The following SERPINB13 variants were observed in gnomAD, a reference collection of about 807,000 sequenced individuals.
SERPINB13 encodes serpin B13.
In SERPINB13, 26 loss-of-function variants were observed where a neutral mutation model predicts 31.2. The ratio of observed to expected loss-of-function variants is 0.83; its 90% CI spans 0.61 to 1.15. The LOEUF (loss-of-function observed/expected upper bound fraction) is 1.15. Ranked by LOEUF, SERPINB13 falls within the 50% of genes most tolerant of loss-of-function variation. The pLI is 0.00. For missense variants in SERPINB13, 510 were observed against 469.4 expected (o/e 1.09, Z -0.80); for synonymous variants, 191 against 172.4 (o/e 1.11, Z -0.85).
chr18:63,594,238 G>A (rs1912021851), intron 5 of SERPINB13, 117 bp from the exon 6 acceptor site: 1 of 1,556,174 alleles, frequency 6.4e-7, no homozygotes, highest in Non-Finnish European at 8.7e-7. Flanking sequence ...AAGGCCCTCA[G>A]GTGCTGACCT....
intron 1 of SERPINB13, among the ~76,000 whole-genome samples, chr18:63,588,248 T>C (rs1041243628): frequency 1.3e-5 from 2 of 152,208 alleles, no homozygotes; most frequent in African/African-American, 4.8e-5. Context: ...CCTACCCCCC[T>C]GCCTTATCAT....
chr18:63,590,612 CT>C (rs1911797094), intron 3 of SERPINB13, among the ~76,000 whole-genome samples: 1 of 152,204 alleles, frequency 6.6e-6, no homozygotes, highest in South Asian at 2.1e-4. Flanking sequence ...AGAGCACATT[CT>C]TTCTCAGCCA....
chr18:63,595,646 TC>T (rs1912120078), intron 7 of SERPINB13, among the ~76,000 whole-genome samples: 1 of 152,186 alleles, frequency 6.6e-6, no homozygotes, highest in Non-Finnish European at 1.5e-5. Context: ...ACGCCTGTAA[TC>T]CCAGCACTTT....
In SERPINB13 at chr18:63,599,182, C is replaced by T. The variant is rs998051999; in HGVS notation, c.*1819C>T. 3.3e-5 allele frequency: 5 copies of T among 152,018 alleles called. No homozygotes were observed. The highest frequency in any genetic ancestry group is 1.9e-4 in the East Asian group (1 of 5,198). The allele number at this position is 152,018 out of a possible 1,614,324, so 9.4% of individuals were successfully genotyped here. A position where few individuals can be genotyped will look rare whatever the true frequency, so the allele number is the denominator to read the frequency against. ...TCCTTAATTTATCAAATATATGATACGTGGACATTTCCTCATAGTCTGTGG... is the reference window on the plus strand; with the variant it reads ...TCCTTAATTTATCAAATATATGATATGTGGACATTTCCTCATAGTCTGTGG... On this transcript the variant is annotated 3_prime_UTR_variant, in exon 8 of 8. Coordinates refer to ENST00000344731, the MANE Select transcript of SERPINB13 (RefSeq NM_012397.4).
In SERPINB13 at chr18:63,597,437, C is replaced by G; in HGVS notation, c.*74C>G. 1 of 1,453,488 alleles carries G rather than the reference C, an allele frequency of 6.9e-7. No homozygotes were observed. 90.0% of individuals were successfully genotyped at this position (1,453,488 alleles called of 1,614,324 possible). A position where few individuals can be genotyped will look rare whatever the true frequency, so the allele number is the denominator to read the frequency against. ...GTGTTACTCATATGATTATGAAAAT[C>G]GTCCATTCTTTTAAATGTTGTCTCA... On this transcript the variant is annotated 3_prime_UTR_variant, in exon 8 of 8. Coordinates refer to ENST00000344731, the MANE Select transcript of SERPINB13 (RefSeq NM_012397.4).
chr18:63,593,652 G>A (rs1458732837), intron 5 of SERPINB13, among the ~76,000 whole-genome samples: 1 of 152,096 alleles, frequency 6.6e-6, no homozygotes, highest in East Asian at 1.9e-4. Flanking sequence ...TAGTGTTAGA[G>A]TTTCAGATTC....
In SERPINB13 at chr18:63,592,416, T is replaced by A; in HGVS notation, c.294T>A (p.Asn98Lys). 1 of 1,613,802 alleles carries A rather than the reference T, an allele frequency of 6.2e-7. No individual in the cohort carries two copies. The highest frequency in any genetic ancestry group is 8.5e-7 in the Non-Finnish European group (1 of 1,179,832). Reference protein sequence around the residue: ...KFLTEISKLTNDYELNITNRL... With the variant: ...KFLTEISKLTKDYELNITNRL... ...TGACTGAAATAAGCAAACTCACTAA[T>A]GATTATGAACTGAACATAACCAACA... Residue 98 changes from asparagine to lysine, a missense_variant, in exon 4 of 8, where the codon AAT (asparagine) becomes AAA (lysine). Asn to Lys is a moderately conservative substitution (Grantham distance 94). Transcript: ENST00000344731.
intron 1 of SERPINB13, among the ~76,000 whole-genome samples, chr18:63,587,783 A>C (rs984070693): frequency 3.9e-5 from 6 of 152,230 alleles, no homozygotes; most frequent in Non-Finnish European, 7.4e-5. Context: ...CATTAATCTT[A>C]TTCTTGTTTT....
intron 7 of SERPINB13, among the ~76,000 whole-genome samples, chr18:63,596,398 C>A (rs1030808220): frequency 6.6e-6 from 1 of 152,192 alleles, no homozygotes; most frequent in Non-Finnish European, 1.5e-5. Context: ...ATTAAATACA[C>A]TGGAATGCCC....
At chr18:63,594,280 C>T in intron 5 of SERPINB13, 75 bp from the exon 6 acceptor site, 1 of 1,594,612 alleles carries the variant, frequency 6.3e-7, no homozygotes, top group South Asian at 1.1e-5. Flanking sequence ...TCAAGTCCAT[C>T]TGCATCATAT....
intron 2 of SERPINB13, 27 bp downstream of exon 2, chr18:63,588,859 G>C: frequency 6.3e-7 from 1 of 1,596,758 alleles, no homozygotes; most frequent in African/African-American, 1.4e-5. Context: ...GGGCTTCCTT[G>C]TTTCCTATGC....
At position 63,598,829 on chromosome 18, in the gene SERPINB13, C is replaced by T. The variant is rs1259806074; in HGVS notation, c.*1466C>T. ...AATCAATAGTTAGCTTTGTAAGAAA[C>T]AGTCAAACTGTTTTCCAACGTGACA... is the stretch of plus-strand genomic sequence containing the variant. On this transcript the variant is annotated 3_prime_UTR_variant, in exon 8 of 8. Transcript: ENST00000344731. 3 of 152,142 alleles carry T rather than the reference C, an allele frequency of 2.0e-5. No individual in the cohort carries two copies. 9.4% of individuals were successfully genotyped at this position (152,142 alleles called of 1,614,324 possible). A position where few individuals can be genotyped will look rare whatever the true frequency, so the allele number is the denominator to read the frequency against.
rs1416613272 is a variant in SERPINB13, at chr18:63,587,466, G to C, written c.-18+16G>C. On this transcript the variant is annotated intron_variant, in intron 1 of 7. Transcript: ENST00000344731. The stretch of plus-strand genomic sequence containing the variant: ...AAAACCCGAGGTAAGTTCTTATTTT[G>C]GCTCCAATTTAAGACCTCTGTATTT... The C allele has an allele frequency of 4.3e-6, 2 of 470,534 alleles. No individual in the cohort carries two copies. The highest frequency in any genetic ancestry group is 8.8e-6 in the Non-Finnish European group (2 of 226,888). The allele number at this position is 470,534 out of a possible 1,614,324, so 29.1% of individuals were successfully genotyped here. A position where few individuals can be genotyped will look rare whatever the true frequency, so the allele number is the denominator to read the frequency against.
At chr18:63,593,927 CTTA>C in intron 5 of SERPINB13, 1 of 462,372 alleles carries the variant, frequency 2.2e-6, no homozygotes, top group Non-Finnish European at 4.5e-6. Flanking sequence ...ACACAGAGTG[CTTA>C]TTATGTGTGA....
intron 3 of SERPINB13, among the ~76,000 whole-genome samples, chr18:63,590,458 C>T (rs1911787115): frequency 6.6e-6 from 1 of 152,156 alleles, no homozygotes; most frequent in South Asian, 2.1e-4. Flanking sequence ...AGGAGCTGCT[C>T]ATTTCACAAC....
In SERPINB13 at chr18:63,599,105, T is replaced by C. The variant is rs1186007457; in HGVS notation, c.*1742T>C. On this transcript the variant is annotated 3_prime_UTR_variant, in exon 8 of 8. Transcript: ENST00000344731. ...TTTTTAATTTGGGTTGTCTGTCTTGTCTTCTCATTTTATTGAGTTAAATGA... is the reference window on the plus strand; with the variant it reads ...TTTTTAATTTGGGTTGTCTGTCTTGCCTTCTCATTTTATTGAGTTAAATGA... 2.0e-5 allele frequency: 3 copies of C among 152,182 alleles called. No individual in the cohort carries two copies. The highest frequency in any genetic ancestry group is 4.8e-5 in the African/African-American group (2 of 41,462). 9.4% of individuals were successfully genotyped at this position (152,182 alleles called of 1,614,324 possible).
At chr18:63,588,222 C>T (rs761056466) in intron 1 of SERPINB13, among the ~76,000 whole-genome samples, 2 of 152,096 alleles carry the variant, frequency 1.3e-5, no homozygotes, top group Admixed American at 6.5e-5. Context: ...ACTTGAGGCC[C>T]GTGGAGATTC....
At position 63,598,754 on chromosome 18, in the gene SERPINB13, C is replaced by T. The variant is rs1912332298; in HGVS notation, c.*1391C>T. The T allele has an allele frequency of 6.6e-6, 1 of 152,152 alleles. No homozygotes were observed. The allele number at this position is 152,152 out of a possible 1,614,324, so 9.4% of individuals were successfully genotyped here. On this transcript the variant is annotated 3_prime_UTR_variant, in exon 8 of 8. Transcript: ENST00000344731. ...AGATCTTTGTGTTCACATATGTTTT[C>T]ATTTCTGTTGGGGAGATTCCTAGGC...
At chr18:63,589,071 C>T (rs561817926) in intron 2 of SERPINB13, among the ~76,000 whole-genome samples, 6 of 152,150 alleles carry the variant, frequency 3.9e-5, no homozygotes, top group East Asian at 1.9e-4. Flanking sequence ...AGACTGGTTG[C>T]GTAACCTTGT....
Sources: allele counts gnomAD v4.1 joint callset (sites outside exome capture counted in the v4.1 genomes callset), GRCh38; gene constraint gnomAD v4.1.1; transcripts MANE v1.5; gene names NCBI Gene and HGNC (gene_info 2026-07-23, HGNC 2026-07-21).